The following SLC2A13 variants were observed in gnomAD, a reference collection of about 807,000 sequenced individuals.
SLC2A13 encodes solute carrier family 2 member 13.
SLC2A13 carries 32 observed loss-of-function variants against 64.4 expected under a neutral mutation model. That is an observed-to-expected ratio of 0.50 (90% CI 0.37 to 0.67). The LOEUF (loss-of-function observed/expected upper bound fraction) is 0.67, where lower values mean the gene tolerates loss of function less well. Among genes scored for constraint, SLC2A13 ranks in the 30% least tolerant of loss-of-function variants. The pLI, the probability that SLC2A13 is intolerant of heterozygous loss-of-function variation, is 0.00. For missense variants in SLC2A13, 743 were observed against 829.2 expected, an observed-to-expected ratio of 0.90 and a Z score of 1.28; for synonymous variants, 338 against 327.1, an observed-to-expected ratio of 1.03 and a Z score of -0.36.
chr12:39,832,259 A>T (rs902830305), intron 6 of SLC2A13, among the ~76,000 whole-genome samples: 4 of 152,256 alleles, frequency 2.6e-5, no homozygotes, highest in African/African-American at 9.6e-5. Flanking sequence ...GATAATTTCT[A>T]CTAGTATTTT....
intron 3 of SLC2A13, among the ~76,000 whole-genome samples, chr12:39,987,680 AT>A (rs966680534): frequency 4.6e-5 from 7 of 151,740 alleles, no homozygotes; most frequent in Non-Finnish European, 7.4e-5. Flanking sequence ...GGTCAAATTT[AT>A]TTTTTTTCAC....
intron 7 of SLC2A13, among the ~76,000 whole-genome samples, chr12:39,780,982 C>A (rs1940959888): frequency 6.6e-6 from 1 of 152,204 alleles, no homozygotes; most frequent in African/African-American, 2.4e-5. Context: ...GATGGAAAGT[C>A]ATTATCGTAA....
chr12:39,837,586 A>C (rs1175579144), intron 6 of SLC2A13, among the ~76,000 whole-genome samples: 19 of 146,808 alleles, frequency 1.3e-4, no homozygotes, highest in Non-Finnish European at 2.9e-4. Context: ...TTCACAACCT[A>C]CTCATCTGAC....
intron 6 of SLC2A13, among the ~76,000 whole-genome samples, chr12:39,844,265 A>G (rs1184552131): frequency 1.3e-5 from 2 of 152,076 alleles, no homozygotes; most frequent in African/African-American, 4.8e-5. Flanking sequence ...AAAAATTTCA[A>G]GGCATAGGGT....
intron 1 of SLC2A13, among the ~76,000 whole-genome samples, chr12:40,090,607 GCATGT>G (rs1283887297): frequency 1.4e-4 from 21 of 152,194 alleles, no homozygotes; most frequent in Non-Finnish European, 2.6e-4. Context: ...ATTTGAAAAT[GCATGT>G]CATATTTAGA....
intron 7 of SLC2A13, among the ~76,000 whole-genome samples, chr12:39,824,530 G>A (rs1458964001): frequency 6.6e-6 from 1 of 152,138 alleles, no homozygotes; most frequent in Non-Finnish European, 1.5e-5. Context: ...ATTCATAAAA[G>A]GAGGTTAAGC....
chr12:39,995,552 A>T (rs1308852587), intron 3 of SLC2A13, among the ~76,000 whole-genome samples: 1 of 152,210 alleles, frequency 6.6e-6, no homozygotes, highest in Middle Eastern at 3.2e-3. Context: ...CAGATTTTTA[A>T]GAGTAAAAAA....
intron 1 of SLC2A13, among the ~76,000 whole-genome samples, chr12:40,067,360 C>G (rs747638361): frequency 6.6e-6 from 1 of 152,070 alleles, no homozygotes. Flanking sequence ...TGCCACCACG[C>G]CTGGCTAATT....
intron 6 of SLC2A13, among the ~76,000 whole-genome samples, chr12:39,862,677 TAAGGA>T (rs1943793595): frequency 6.6e-6 from 1 of 152,206 alleles, no homozygotes; most frequent in Admixed American, 6.5e-5. Flanking sequence ...CTGTTTGTCT[TAAGGA>T]AAGGGGAAAT....
intron 7 of SLC2A13, among the ~76,000 whole-genome samples, chr12:39,779,541 G>C (rs1308859650): frequency 1.3e-5 from 2 of 152,112 alleles, no homozygotes; most frequent in African/African-American, 4.8e-5. Context: ...ATAGTCAATA[G>C]CTCAATAAAT....
At chr12:39,965,142 G>GA (rs1396746743) in intron 3 of SLC2A13, among the ~76,000 whole-genome samples, 5 of 152,088 alleles carry the variant, frequency 3.3e-5, no homozygotes, top group Non-Finnish European at 5.9e-5. Context: ...ATGTATTCCT[G>GA]AAAAATCTGT....
At chr12:39,871,219 G>T (rs954224652) in intron 5 of SLC2A13, among the ~76,000 whole-genome samples, 1 of 151,684 alleles carries the variant, frequency 6.6e-6, no homozygotes, top group Non-Finnish European at 1.5e-5. Flanking sequence ...AAAGATACTT[G>T]GGAATTAAAA....
chr12:40,025,317 C>G (rs1399884297), intron 3 of SLC2A13, among the ~76,000 whole-genome samples: 1 of 152,186 alleles, frequency 6.6e-6, no homozygotes, highest in East Asian at 1.9e-4. Flanking sequence ...TAGGCACTAA[C>G]AATCTCACAC....
chr12:40,059,197 A>G (rs1948379139), intron 1 of SLC2A13, among the ~76,000 whole-genome samples: 1 of 152,166 alleles, frequency 6.6e-6, no homozygotes, highest in South Asian at 2.1e-4. Context: ...ACCTAGCTCC[A>G]TTGTCTTATC....
intron 7 of SLC2A13, among the ~76,000 whole-genome samples, chr12:39,805,182 T>C (rs1941938114): frequency 6.6e-6 from 1 of 151,902 alleles, no homozygotes; most frequent in South Asian, 2.1e-4. Flanking sequence ...GTGGCCAGAA[T>C]GTGTAGGACT....
At chr12:39,805,829 T>G (rs1941962034) in intron 7 of SLC2A13, among the ~76,000 whole-genome samples, 1 of 152,184 alleles carries the variant, frequency 6.6e-6, no homozygotes, top group South Asian at 2.1e-4. Context: ...GTTGCCCGTT[T>G]TTTTCTCTAC....
Position 39,872,124 on chromosome 12 carries a change from A to G in SLC2A13, c.1035-163T>C, listed in dbSNP as rs74086914. 5.4e-3 allele frequency among the ~76,000 whole-genome samples: 828 copies of G among 152,328 alleles called. 6 individuals carry two copies. The highest frequency in any genetic ancestry group is 0.019 in the African/African-American group (804 of 41,578). ...CATGCAAGCTGTTGAAAAGATCACAATATAAAGACTATGTTCAAATAAATT... is the reference window on the plus strand; with the variant it reads ...CATGCAAGCTGTTGAAAAGATCACAGTATAAAGACTATGTTCAAATAAATT... On this transcript the variant is annotated intron_variant, in intron 4 of 9. Transcript: ENST00000280871.
intron 4 of SLC2A13, among the ~76,000 whole-genome samples, chr12:39,879,763 C>G (rs1944294281): frequency 6.6e-6 from 1 of 152,016 alleles, no homozygotes; most frequent in Admixed American, 6.5e-5. Context: ...TTGAGTTAAG[C>G]TGGAATGAGT....
intron 2 of SLC2A13, among the ~76,000 whole-genome samples, chr12:40,044,523 T>C (rs1948143341): frequency 6.6e-6 from 1 of 152,184 alleles, no homozygotes; most frequent in African/African-American, 2.4e-5. Flanking sequence ...TCTTTAACAA[T>C]ATTTTCAAAA....
Sources: gnomAD v4.1 joint callset for allele counts (sites outside exome capture counted in the v4.1 genomes callset) on GRCh38, gnomAD v4.1.1 for gene constraint, MANE v1.5 for transcripts, NCBI Gene and HGNC (gene_info 2026-07-23, HGNC 2026-07-21) for gene names.